The following TFDP2 variants were observed in gnomAD, a reference collection of about 807,000 sequenced individuals.
TFDP2 encodes transcription factor Dp-2 (E2F dimerization partner 2).
In TFDP2, 17 loss-of-function variants were observed where a neutral mutation model predicts 59.3. The observed-to-expected ratio is 0.29, with a 90% CI of 0.20 to 0.43. The LOEUF is 0.43. Among genes scored for constraint, TFDP2 ranks in the 20% least tolerant of loss-of-function variants. The pLI is 1.00. For missense variants in TFDP2, 391 were observed against 528.8 expected, an observed-to-expected ratio of 0.74 and a Z score of 2.56; for synonymous variants, 180 against 194.7, an observed-to-expected ratio of 0.92 and a Z score of 0.63.
rs138761071 is a variant in TFDP2, at chr3:142,141,458, G to A, written c.-93+7725C>T. On this transcript the variant is annotated intron_variant, in intron 1 of 12. Coordinates refer to ENST00000489671, the MANE Select transcript of TFDP2 (RefSeq NM_001178139.2). ...ATCACCCATCTTCTGCATCAATCAC[G>A]CTGGGAGCTGCAGACTGGAGCTGTT... is the stretch of plus-strand genomic sequence containing the variant. 4.6e-3 allele frequency among the ~76,000 whole-genome samples: 697 copies of A among 152,296 alleles called. 5 individuals carry two copies. Among genetic ancestry groups the A allele is most frequent in the African/African-American group, 0.016 (649 of 41,560 alleles).
chr3:141,991,329 A>G (rs571551881), intron 6 of TFDP2, among the ~76,000 whole-genome samples: 1 of 152,326 alleles, frequency 6.6e-6, no homozygotes, highest in Admixed American at 6.5e-5. Context: ...TTTCATTTTA[A>G]TAAGGAGTTA....
intron 3 of TFDP2, among the ~76,000 whole-genome samples, chr3:142,076,782 G>A (rs2060472767): frequency 2.0e-5 from 3 of 152,170 alleles, no homozygotes; most frequent in Middle Eastern, 3.2e-3. Flanking sequence ...GCTGGGGAAT[G>A]AAGCAAGATG....
chr3:141,973,123 A>ATATATATATATATATATTTTTT, intron 8 of TFDP2, among the ~76,000 whole-genome samples: 1 of 58,028 alleles, frequency 1.7e-5, no homozygotes, highest in Non-Finnish European at 3.7e-5. Flanking sequence ...ATATATATAT[A>ATATATATATATATATATTTTTT]TTTTTTTTTT....
At chr3:142,059,981 A>G (rs1309882787) in intron 3 of TFDP2, among the ~76,000 whole-genome samples, 2 of 152,200 alleles carry the variant, frequency 1.3e-5, no homozygotes, top group African/African-American at 4.8e-5. Context: ...AATCCAATAT[A>G]TATTATAGAA....
At chr3:142,066,779 A>G (rs2060087444) in intron 3 of TFDP2, among the ~76,000 whole-genome samples, 1 of 152,212 alleles carries the variant, frequency 6.6e-6, no homozygotes, top group South Asian at 2.1e-4. Context: ...CTAATCACCA[A>G]TACTCTCCAA....
At position 141,957,471 on chromosome 3, in the gene TFDP2, T is replaced by A. The variant is rs74551763; in HGVS notation, c.1051+2203A>T. The stretch of plus-strand genomic sequence containing the variant: ...CAGCAATTTCACTCGTAGGTATATG[T>A]TTTTAGAGATAAAAACATATGTTTA... On this transcript the variant is annotated intron_variant, in intron 11 of 12. Transcript: ENST00000489671. 1.4e-3 allele frequency among the ~76,000 whole-genome samples: 209 copies of A among 152,238 alleles called. 6 individuals carry two copies. The East Asian group carries it at 0.035, about 25-fold the overall frequency.
At chr3:141,990,955 G>A (rs1002513982) in intron 6 of TFDP2, among the ~76,000 whole-genome samples, 4 of 152,206 alleles carry the variant, frequency 2.6e-5, no homozygotes, top group Admixed American at 2.0e-4. Flanking sequence ...CTACTTGGGA[G>A]GCTGAAGCAG....
At chr3:142,040,306 T>G (rs1179252526) in intron 3 of TFDP2, among the ~76,000 whole-genome samples, 1 of 152,228 alleles carries the variant, frequency 6.6e-6, no homozygotes, top group African/African-American at 2.4e-5. Context: ...ATAACTAATA[T>G]TCTATGGTAG....
At chr3:142,096,883 G>A (rs533982227) in intron 2 of TFDP2, among the ~76,000 whole-genome samples, 19 of 152,140 alleles carry the variant, frequency 1.2e-4, no homozygotes, top group Non-Finnish European at 2.2e-4. Flanking sequence ...AGAGCTCATA[G>A]GATCGAGTCA....
intron 3 of TFDP2, among the ~76,000 whole-genome samples, chr3:142,079,274 G>A (rs1376403638): frequency 6.6e-6 from 1 of 152,042 alleles, no homozygotes. Context: ...TTGCACTCCA[G>A]CCTAGGTGAC....
intron 3 of TFDP2, among the ~76,000 whole-genome samples, chr3:142,010,804 GAA>G (rs1411187799): frequency 7.0e-6 from 1 of 142,624 alleles, no homozygotes; most frequent in Non-Finnish European, 1.5e-5. Flanking sequence ...CTTCTCAAAA[GAA>G]GACATTTATG....
intron 1 of TFDP2, among the ~76,000 whole-genome samples, chr3:142,136,736 T>C (rs1437958486): frequency 6.6e-6 from 1 of 152,028 alleles, no homozygotes; most frequent in East Asian, 1.9e-4. Flanking sequence ...GTTGTAAATG[T>C]TCTGTTCTAT....
intron 3 of TFDP2, among the ~76,000 whole-genome samples, chr3:142,013,479 A>C (rs11569177): frequency 6.6e-6 from 1 of 152,306 alleles, no homozygotes; most frequent in Admixed American, 6.5e-5. Context: ...TCCTAAGTGC[A>C]TGGCCTAAAT....
intron 1 of TFDP2, among the ~76,000 whole-genome samples, chr3:142,133,539 C>G (rs1340615387): frequency 6.7e-6 from 1 of 150,102 alleles, no homozygotes; most frequent in African/African-American, 2.5e-5. Flanking sequence ...TTTTTGTTGC[C>G]CAGGCTGGAG....
chr3:141,984,070 CAATG>C (rs3058542), intron 6 of TFDP2, among the ~76,000 whole-genome samples: 50,842 of 151,708 alleles, frequency 0.34, 8,702 homozygotes, highest in African/African-American at 0.43. Context: ...AACTGCCCAC[CAATG>C]AATGGATAAA....
intron 1 of TFDP2, among the ~76,000 whole-genome samples, chr3:142,103,458 C>T (rs1407576614): frequency 6.6e-6 from 1 of 152,046 alleles, no homozygotes; most frequent in Non-Finnish European, 1.5e-5. Flanking sequence ...TTCTTTTCCT[C>T]ACATCTTTTT....
rs1029393677 is a variant in TFDP2 at position 141,948,017 on chromosome 3, G to T, written c.*4496C>A. The T allele has an allele frequency of 1.1e-4, 16 of 152,190 alleles. No homozygotes were observed. The highest frequency in any genetic ancestry group is 3.9e-4 in the African/African-American group (16 of 41,408). 9.4% of individuals were successfully genotyped at this position (152,190 alleles called of 1,614,324 possible). A position where few individuals can be genotyped will look rare whatever the true frequency, so the allele number is the denominator to read the frequency against. On this transcript the variant is annotated 3_prime_UTR_variant, in exon 13 of 13. Transcript: ENST00000489671. Reference sequence around the variant, plus strand: ...CCCAATAGGAGGAGAACCCAACATCGGCAGGGCTCTCGCTGCTCCGCCCCA... The same window carrying T: ...CCCAATAGGAGGAGAACCCAACATCTGCAGGGCTCTCGCTGCTCCGCCCCA...
intron 3 of TFDP2, among the ~76,000 whole-genome samples, chr3:142,052,972 G>T (rs1576848335): frequency 6.6e-6 from 1 of 151,772 alleles, no homozygotes. Context: ...ACTACGCCCG[G>T]CTATTTTTTG....
At chr3:142,100,394 C>T (rs961408592) in intron 2 of TFDP2, among the ~76,000 whole-genome samples, 4 of 151,816 alleles carry the variant, frequency 2.6e-5, no homozygotes, top group Non-Finnish European at 4.4e-5. Context: ...TTTCTTGAGA[C>T]GAAGTCTCGC....
Sources: gnomAD v4.1 joint callset for allele counts (sites outside exome capture counted in the v4.1 genomes callset) on GRCh38, gnomAD v4.1.1 for gene constraint, MANE v1.5 for transcripts, NCBI Gene and HGNC (gene_info 2026-07-23, HGNC 2026-07-21) for gene names.